Variants in ROBO3 observed in about 807,000 individuals in gnomAD.
ROBO3 encodes the protein roundabout guidance receptor 3.
A neutral mutation model predicts 160.5 loss-of-function variants in ROBO3; 97 were observed. The observed-to-expected ratio is 0.60, with a 90% CI of 0.51 to 0.72. The LOEUF is 0.72. Among genes scored for constraint, ROBO3 ranks in the 30% least tolerant of loss-of-function variants. ROBO3 has a pLI of 0.00. For synonymous variants in ROBO3, 780 were observed against 746.2 expected, an observed-to-expected ratio of 1.05 and a Z score of -0.74; for missense variants, 1,858 against 1,846.5, an observed-to-expected ratio of 1.01 and a Z score of -0.11.
chr11:124,867,004 T>G (rs1202759343), intron 1 of ROBO3, among the ~76,000 whole-genome samples: 2 of 152,026 alleles, frequency 1.3e-5, no homozygotes, highest in Non-Finnish European at 2.9e-5. Context: ...TCATCTAAGC[T>G]CGAAACTTAG....
In ROBO3 at chr11:124,870,749, T is replaced by C. The variant is rs1399332374; in HGVS notation, c.1033+21T>C. The stretch of plus-strand genomic sequence containing the variant: ...TCACGGTGAGGGCTGTACTTGGGAC[T>C]GCCTGCAGCAGGAATGGTAGGAGGG... On this transcript the variant is annotated intron_variant, in intron 6 of 27. Coordinates refer to ENST00000397801, the MANE Select transcript of ROBO3 (RefSeq NM_022370.4). The C allele has an allele frequency of 1.9e-6, 3 of 1,606,752 alleles. No homozygotes were observed. In the East Asian group the frequency reaches 6.7e-5, roughly 36 times the overall value.
rs1946246890 is a variant in ROBO3, at chr11:124,869,334, G to C, written c.488-116G>C. ...TCCAGGCTGATATTTTCTCACCTGG[G>C]AACGAATTCCAGTCTGCAGCGATCA... On this transcript the variant is annotated intron_variant, in intron 2 of 27. Coordinates refer to ENST00000397801, the MANE Select transcript of ROBO3 (RefSeq NM_022370.4). The surrounding 1 kb of genome is among the most constrained non-coding windows in gnomAD (Gnocchi z 4.2). 4.3e-6 allele frequency: 5 copies of C among 1,166,956 alleles called. No individual in the cohort carries two copies. 72.3% of individuals were successfully genotyped at this position (1,166,956 alleles called of 1,614,324 possible). A position where few individuals can be genotyped will look rare whatever the true frequency, so the allele number is the denominator to read the frequency against.
At chr11:124,870,833 T>A in intron 6 of ROBO3, 105 bp downstream of exon 6, 1 of 1,541,030 alleles carries the variant, frequency 6.5e-7, no homozygotes, top group Non-Finnish European at 8.8e-7. Context: ...GGCATGTGGA[T>A]GGAACACCTG....
At position 124,879,029 on chromosome 11, in the gene ROBO3, G is replaced by A. The variant is rs1010312177; in HGVS notation, c.3534-161G>A. 1.0e-5 allele frequency: 9 copies of A among 878,464 alleles called. No homozygotes were observed. In the African/African-American group the frequency reaches 1.5e-4, roughly 15 times the overall value. The allele number at this position is 878,464 out of a possible 1,614,324, so 54.4% of individuals were successfully genotyped here. On this transcript the variant is annotated intron_variant, in intron 23 of 27. Coordinates refer to ENST00000397801, the MANE Select transcript of ROBO3 (RefSeq NM_022370.4). ...TCAGCACTCTACCTGAGACATTTCAGATATGGCTCTCCTTATGCTTCTCTA... is the reference window on the plus strand; with the variant it reads ...TCAGCACTCTACCTGAGACATTTCAAATATGGCTCTCCTTATGCTTCTCTA...
intron 15 of ROBO3, 57 bp from the exon 16 acceptor site, chr11:124,875,896 TC>T: frequency 2.6e-6 from 4 of 1,552,790 alleles, no homozygotes; most frequent in Non-Finnish European, 3.5e-6. Context: ...GCCTTAAGTT[TC>T]CCGGTGAGGC....
chr11:124,877,789 G>T lies in ROBO3; in HGVS notation c.2986+131G>T, dbSNP rs779380189. 14 of 1,305,896 alleles carry T rather than the reference G, an allele frequency of 1.1e-5. No homozygotes were observed. The African/African-American group carries it at 1.9e-4, about 18-fold the overall frequency. The allele number at this position is 1,305,896 out of a possible 1,614,324, so 80.9% of individuals were successfully genotyped here. On this transcript the variant is annotated intron_variant, in intron 20 of 27. Transcript: ENST00000397801. ...CCTGGGGAGGATGTGAGCTGGGGAA[G>T]CCTCTCAGACCTACCTCCACCCTGG...
intron 1 of ROBO3, among the ~76,000 whole-genome samples, chr11:124,867,372 G>C (rs1946213202): frequency 6.6e-6 from 1 of 152,206 alleles, no homozygotes; most frequent in African/African-American, 2.4e-5. Flanking sequence ...CTGAGACTGA[G>C]AGAAGTTAAA....
Position 124,879,812 on chromosome 11 carries a change from G to T in ROBO3, c.3822G>T (p.Pro1274=), listed in dbSNP as rs11219826. Residue 1274 remains proline, a synonymous_variant, in exon 26 of 28, where the codon CCG becomes CCT. Coordinates refer to ENST00000397801, the MANE Select transcript of ROBO3 (RefSeq NM_022370.4). The stretch of plus-strand genomic sequence containing the variant: ...ACTTGCCCCCACCACCCTTGCCACC[G>T]CCAGAGGAAGAGGCGAGCTGGGCCC... ...PGDLPPPPLP[P]PEEEASWALE... 2.5e-6 allele frequency: 4 copies of T among 1,613,836 alleles called. No homozygotes were observed. The highest frequency in any genetic ancestry group is 3.4e-6 in the Non-Finnish European group (4 of 1,179,830).
chr11:124,871,465 C>A (rs1043260948), intron 7 of ROBO3, among the ~76,000 whole-genome samples: 1 of 152,150 alleles, frequency 6.6e-6, no homozygotes, highest in African/African-American at 2.4e-5. Context: ...CTTTAGACCC[C>A]TTGGGCTTTG....
chr11:124,875,179 A>G lies in ROBO3; in HGVS notation c.2142A>G (p.Gly714=), dbSNP rs1432399209. ...GGAGGGTAGCAGGCCCTGAGGGAGG[A>G]AGCTGGACAATGTTGGACCTACAGT... ...VSWRVAGPEG[G]SWTMLDLQSP... Residue 714 remains glycine (G), a synonymous_variant, in exon 14 of 28, where the codon GGA becomes GGG. Coordinates refer to ENST00000397801, the MANE Select transcript of ROBO3 (RefSeq NM_022370.4). The G allele has an allele frequency of 1.1e-5, 18 of 1,613,560 alleles. No individual in the cohort carries two copies. Among genetic ancestry groups the G allele is most frequent in the Middle Eastern group, 1.7e-4 (1 of 5,938 alleles).
In ROBO3 at chr11:124,870,159, CCATAGAGCGTCCCT is replaced by C. The variant is rs1439215689; in HGVS notation, c.767-2_778del. On this transcript the variant is annotated splice_acceptor_variant and splice_polypyrimidine_tract_variant and coding_sequence_variant and intron_variant, in exon 5 of 28. Coordinates refer to ENST00000397801, the MANE Select transcript of ROBO3 (RefSeq NM_022370.4). LOFTEE classifies it high-confidence loss of function. ...CCCTGACTGTTCACTCACTACCACT[CCATAGAGCGTCCCT>C]CATTCCTGCGCAGACCAGTGAATCA... 6 of 1,613,918 alleles carry C rather than the reference CCATAGAGCGTCCCT, an allele frequency of 3.7e-6. No individual in the cohort carries two copies. Among genetic ancestry groups the C allele is most frequent in the African/African-American group, 1.3e-5 (1 of 74,940 alleles).
chr11:124,872,330 C>T lies in ROBO3; in HGVS notation c.1159-51C>T, dbSNP rs1946288453. ...GATTGACAGGAATGGGGACCTCTCC[C>T]TGCCCAGCTGCCTGCTCATTCCCTA... On this transcript the variant is annotated intron_variant, in intron 7 of 27. Transcript: ENST00000397801. This position sits in a 1 kb window ranked among gnomAD's most constrained non-coding sequence, Gnocchi z 4.3. 16 of 1,553,550 alleles carry T rather than the reference C, an allele frequency of 1.0e-5. No homozygotes were observed. The highest frequency in any genetic ancestry group is 1.3e-5 in the Non-Finnish European group (15 of 1,125,420).
At position 124,869,275 on chromosome 11, in the gene ROBO3, C is replaced by A; in HGVS notation, c.487+147C>A. The A allele has an allele frequency of 8.9e-7, 1 of 1,119,336 alleles. No individual in the cohort carries two copies. The highest frequency in any genetic ancestry group is 1.4e-5 in the South Asian group (1 of 73,238). 69.3% of individuals were successfully genotyped at this position (1,119,336 alleles called of 1,614,324 possible). ...GACCGCGACCTTTGATCTCTAATGG[C>A]CACACCACGGCCAGAGAAGGAAGTG... On this transcript the variant is annotated intron_variant, in intron 2 of 27. Coordinates refer to ENST00000397801, the MANE Select transcript of ROBO3 (RefSeq NM_022370.4). This position sits in a 1 kb window ranked among gnomAD's most constrained non-coding sequence, Gnocchi z 4.2.
At position 124,865,684 on chromosome 11, in the gene ROBO3, C is replaced by T. The variant is rs1308654540; in HGVS notation, c.107C>T (p.Ser36Leu). Residue 36 changes from serine (S) to leucine (L), a missense_variant, in exon 1 of 28, where the codon TCG becomes TTG. Ser to Leu is a moderately radical substitution (Grantham distance 145, BLOSUM62 -2). Coordinates refer to ENST00000397801, the MANE Select transcript of ROBO3 (RefSeq NM_022370.4). This position sits in a 1 kb window ranked among gnomAD's most constrained non-coding sequence, Gnocchi z 5.5. ...SSELLLGFNS[S>L]LAALNHTLLP... ...GAGCTGCTCTTGGGCTTCAACTCCTCGCTGGCGGCGCTCAACCACACCCTG... is the reference window on the plus strand; with the variant it reads ...GAGCTGCTCTTGGGCTTCAACTCCTTGCTGGCGGCGCTCAACCACACCCTG... 1.2e-6 allele frequency: 2 copies of T among 1,611,696 alleles called. No individual in the cohort carries two copies. Among genetic ancestry groups the T allele is most frequent in the East Asian group, 2.2e-5 (1 of 44,874 alleles).
At position 124,865,464 on chromosome 11, in the gene ROBO3, G is replaced by T. The variant is rs981095927; in HGVS notation, c.-114G>T. 32 of 1,091,074 alleles carry T rather than the reference G, an allele frequency of 2.9e-5. No individual in the cohort carries two copies. The highest frequency in any genetic ancestry group is 3.6e-5 in the Non-Finnish European group (28 of 769,204). The allele number at this position is 1,091,074 out of a possible 1,614,324, so 67.6% of individuals were successfully genotyped here. ...GGCGCACCGGCAGGAGAGCGGCACC[G>T]TGGCTGCCGCAGCGCGCAGAGGCTG... On this transcript the variant is annotated 5_prime_UTR_variant, in exon 1 of 28. Transcript: ENST00000397801. This position sits in a 1 kb window ranked among gnomAD's most constrained non-coding sequence, Gnocchi z 5.5.
chr11:124,878,143 A>AC lies in ROBO3; in HGVS notation c.3181+13dup. 1 of 1,594,938 alleles carries AC rather than the reference A, an allele frequency of 6.3e-7. No homozygotes were observed. Among genetic ancestry groups the AC allele is most frequent in the Non-Finnish European group, 8.5e-7 (1 of 1,171,066 alleles). On this transcript the variant is annotated intron_variant, in intron 21 of 27. Transcript: ENST00000397801. The surrounding 1 kb of genome is among the most constrained non-coding windows in gnomAD (Gnocchi z 4.3). Reference sequence around the variant, plus strand: ...CCAGGGGGACAGTGGTATGACTCCAACTCCTGAAACCCCGTTTAGCCCTGA... The same window carrying AC: ...CCAGGGGGACAGTGGTATGACTCCAACCTCCTGAAACCCCGTTTAGCCCTGA...
At position 124,874,087 on chromosome 11, in the gene ROBO3, C is replaced by A. The variant is rs1565312111; in HGVS notation, c.1802C>A (p.Thr601Lys). The stretch of plus-strand genomic sequence containing the variant: ...TGTTGTAGCCCAGCAGCTGGCAACA[C>A]ATGGCGTACTGTGGCAGATGGCGTG... ...IEAFSPAAGN[T>K]WRTVADGVQL... Residue 601 changes from threonine to lysine, a missense_variant, in exon 12 of 28, where the codon ACA becomes AAA. Transcript: ENST00000397801. 6 of 1,614,004 alleles carry A rather than the reference C, an allele frequency of 3.7e-6. No homozygotes were observed. The highest frequency in any genetic ancestry group is 5.1e-6 in the Non-Finnish European group (6 of 1,179,894).
intron 12 of ROBO3, 39 bp from the exon 13 acceptor site, chr11:124,874,749 C>A: frequency 6.3e-7 from 1 of 1,582,978 alleles, no homozygotes; most frequent in Non-Finnish European, 8.6e-7. Flanking sequence ...ATCTCCCTGT[C>A]CCTGGTGGCC....
rs55725290 is a variant in ROBO3, at chr11:124,880,557, T to C, written c.4098T>C (p.Ser1366=). The change falls in exon 27 of 28, where the codon AGT becomes AGC. Residue 1366 remains serine (S), a synonymous_variant. Coordinates refer to ENST00000397801, the MANE Select transcript of ROBO3 (RefSeq NM_022370.4). The part of the protein sequence containing the change: ...RGSRGPGRSR[S]RSQSRSQSQR... ...CCCGGGGCCCTGGCCGGAGCCGGAG[T>C]CGGAGTCAGAGCCGGAGCCAGAGCC... The C allele has an allele frequency of 4.9e-5, 39 of 800,128 alleles. No homozygotes were observed. The Middle Eastern group carries it at 1.3e-3, about 27-fold the overall frequency. The allele number at this position is 800,128 out of a possible 1,614,324, so 49.6% of individuals were successfully genotyped here.
Sources: gnomAD v4.1 joint callset for allele counts (sites outside exome capture counted in the v4.1 genomes callset) on GRCh38, gnomAD v4.1.1 for gene constraint, Gnocchi (gnomAD v3.1) non-coding constraint, MANE v1.5 for transcripts, NCBI Gene and HGNC (gene_info 2026-07-23, HGNC 2026-07-21) for gene names.